Variants in FRMD4A observed in about 807,000 individuals in gnomAD.
The protein encoded by FRMD4A is FERM domain containing 4A.
Under a neutral mutation model 129.1 loss-of-function variants are expected in FRMD4A, and 29 were observed. That is an observed-to-expected ratio of 0.22 (90% CI 0.17 to 0.31). The LOEUF (loss-of-function observed/expected upper bound fraction) is 0.31. Ranked by LOEUF, FRMD4A falls within the 10% of genes least tolerant of loss-of-function variation. FRMD4A has a pLI of 1.00. For missense variants in FRMD4A, 1,272 were observed against 1,375.8 expected, an observed-to-expected ratio of 0.92 and a Z score of 1.19; for synonymous variants, 634 against 571.6, an observed-to-expected ratio of 1.11 and a Z score of -1.56.
At chr10:13,873,232 C>A (rs2094457132) in intron 2 of FRMD4A, among the ~76,000 whole-genome samples, 1 of 134,060 alleles carries the variant, frequency 7.5e-6, no homozygotes, top group Non-Finnish European at 1.6e-5. Context: ...AGACCCCAGA[C>A]AGACAGTTTT....
chr10:14,167,830 C>T (rs1397824082), intron 2 of FRMD4A, among the ~76,000 whole-genome samples: 1 of 151,998 alleles, frequency 6.6e-6, no homozygotes, highest in Non-Finnish European at 1.5e-5. Context: ...GAGAGGAGAG[C>T]GCGCTGTAAG....
chr10:14,220,081 G>A (rs1181731747), intron 2 of FRMD4A, among the ~76,000 whole-genome samples: 1 of 152,134 alleles, frequency 6.6e-6, no homozygotes, highest in Non-Finnish European at 1.5e-5. Flanking sequence ...TGACAATCCC[G>A]GGTCTGGGTT....
chr10:13,809,704 C>T (rs977967217), intron 4 of FRMD4A, among the ~76,000 whole-genome samples: 2 of 152,192 alleles, frequency 1.3e-5, no homozygotes, highest in African/African-American at 4.8e-5. Flanking sequence ...GAAGATGTGG[C>T]TTTGCTCCTG....
In FRMD4A at chr10:13,713,810, C is replaced by CAT. The variant is rs1204384127; in HGVS notation, c.760-6699_760-6698dup. On this transcript the variant is annotated intron_variant, in intron 12 of 24. Coordinates refer to ENST00000357447, the MANE Select transcript of FRMD4A (RefSeq NM_018027.5). ...TATACATATATGTAATATATATACA[C>CAT]ATATATATAATATATATACATATAT... Among the ~76,000 whole-genome samples, 12 of 116,280 alleles carry CAT rather than the reference C, an allele frequency of 1.0e-4. 1 individual carries two copies. The highest frequency in any genetic ancestry group is 3.7e-4 in the African/African-American group (11 of 29,516). The allele number at this position is 116,280 out of a possible 152,430, so 76.3% of individuals were successfully genotyped here.
chr10:14,306,364 G>A (rs1218483), intron 2 of FRMD4A, among the ~76,000 whole-genome samples: 9,414 of 152,212 alleles, frequency 0.062, 719 homozygotes, highest in African/African-American at 0.18. Context: ...AACTATCATC[G>A]TGGGAAAGTA....
rs557831776 is a variant in FRMD4A at position 14,060,806 on chromosome 10, C to T, written c.46-201894G>A. The stretch of plus-strand genomic sequence containing the variant: ...TGGCCACTTATATAGAGAGGAAATA[C>T]AGATGAATCTTTTCTGATCTTTGGG... On this transcript the variant is annotated intron_variant, in intron 2 of 24. Coordinates refer to ENST00000357447, the MANE Select transcript of FRMD4A (RefSeq NM_018027.5). Among the ~76,000 whole-genome samples, 179 of 152,226 alleles carry T rather than the reference C, an allele frequency of 1.2e-3. 1 individual carries two copies. The highest frequency in any genetic ancestry group is 1.8e-3 in the Admixed American group (27 of 15,294).
chr10:13,967,653 G>T (rs1248130393), intron 2 of FRMD4A, among the ~76,000 whole-genome samples: 1 of 152,256 alleles, frequency 6.6e-6, no homozygotes, highest in Non-Finnish European at 1.5e-5. Flanking sequence ...TGGTCGTCTT[G>T]TCAAGTCATT....
chr10:14,008,490 G>GA (rs1338002265), intron 2 of FRMD4A: 22 of 993,158 alleles, frequency 2.2e-5, no homozygotes, highest in African/African-American at 7.0e-5. Flanking sequence ...CGCGTCTGGG[G>GA]AGAGTGATCC....
At chr10:14,216,098 T>C (rs1410628594) in intron 2 of FRMD4A, among the ~76,000 whole-genome samples, 3 of 152,180 alleles carry the variant, frequency 2.0e-5, no homozygotes, top group Non-Finnish European at 4.4e-5. Flanking sequence ...GGGAACTCTA[T>C]GTCTGGGTGT....
In FRMD4A at chr10:14,237,600, G is replaced by A. The variant is rs568807318; in HGVS notation, c.45+92458C>T. 5.3e-5 allele frequency among the ~76,000 whole-genome samples: 8 copies of A among 152,240 alleles called. No homozygotes were observed. In the South Asian group the frequency reaches 8.3e-4, roughly 16 times the overall value. ...CCCACCTTGGACTCCAAAAGTGCTCGGATTACAGACGTGAGCCACTGCACC... is the reference window on the plus strand; with the variant it reads ...CCCACCTTGGACTCCAAAAGTGCTCAGATTACAGACGTGAGCCACTGCACC... On this transcript the variant is annotated intron_variant, in intron 2 of 24. Coordinates refer to ENST00000357447, the MANE Select transcript of FRMD4A (RefSeq NM_018027.5).
intron 2 of FRMD4A, among the ~76,000 whole-genome samples, chr10:14,299,774 T>A (rs1589281707): frequency 6.6e-6 from 1 of 152,036 alleles, no homozygotes; most frequent in East Asian, 1.9e-4. Context: ...GAGAGCCACA[T>A]GAATAATTAA....
At position 14,036,042 on chromosome 10, in the gene FRMD4A, CAAAA is replaced by C. The variant is rs10596694; in HGVS notation, c.46-177134_46-177131del. ...GGGCAACAAGAGTGAAACTCCACCT[CAAAA>C]AAAAAAAAAAAAAAGTCTATAAAAG... On this transcript the variant is annotated intron_variant, in intron 2 of 24. Transcript: ENST00000357447. 7.8e-3 allele frequency among the ~76,000 whole-genome samples: 1,051 copies of C among 133,980 alleles called. 2 individuals carry two copies. Among genetic ancestry groups the C allele is most frequent in the African/African-American group, 0.019 (675 of 35,072 alleles). 87.9% of individuals were successfully genotyped at this position (133,980 alleles called of 152,430 possible).
intron 2 of FRMD4A, 142 bp downstream of exon 2, chr10:14,329,916 A>G: frequency 1.3e-6 from 1 of 755,924 alleles, no homozygotes; most frequent in Non-Finnish European, 2.2e-6. Flanking sequence ...CTGACCCAAG[A>G]AAGCATTTCC....
At chr10:13,659,995 G>A (rs181939874) in intron 20 of FRMD4A, among the ~76,000 whole-genome samples, 11 of 152,326 alleles carry the variant, frequency 7.2e-5, no homozygotes, top group Admixed American at 5.2e-4. Flanking sequence ...CATTTGCTCC[G>A]AGTGGACTTT....
At chr10:13,693,727 G>A (rs1053064075) in intron 15 of FRMD4A, 171 bp downstream of exon 15, 1 of 765,756 alleles carries the variant, frequency 1.3e-6, no homozygotes, top group African/African-American at 1.7e-5. Context: ...ATTCCTGGGA[G>A]CAGTTTTCTC....
intron 2 of FRMD4A, among the ~76,000 whole-genome samples, chr10:13,968,498 G>A (rs1444624267): frequency 6.6e-6 from 1 of 152,146 alleles, no homozygotes; most frequent in Non-Finnish European, 1.5e-5. Flanking sequence ...TCTCACCCAG[G>A]CTGGAGCGCA....
At chr10:14,182,208 C>T (rs1274085724) in intron 2 of FRMD4A, among the ~76,000 whole-genome samples, 1 of 152,134 alleles carries the variant, frequency 6.6e-6, no homozygotes, top group Non-Finnish European at 1.5e-5. Flanking sequence ...ACAGTTTCTG[C>T]TTCTAAGACT....
intron 2 of FRMD4A, among the ~76,000 whole-genome samples, chr10:13,963,559 A>AT (rs1185936522): frequency 6.6e-6 from 1 of 152,166 alleles, no homozygotes; most frequent in Non-Finnish European, 1.5e-5. Flanking sequence ...ACCCAATCTC[A>AT]TTTTAGAGGA....
intron 2 of FRMD4A, among the ~76,000 whole-genome samples, chr10:14,104,714 G>A (rs1221330174): frequency 6.6e-6 from 1 of 152,238 alleles, no homozygotes; most frequent in Non-Finnish European, 1.5e-5. Flanking sequence ...TTAGAGCAAG[G>A]GAAATTGCCA....
Sources: allele counts gnomAD v4.1 joint callset (sites outside exome capture counted in the v4.1 genomes callset), GRCh38; gene constraint gnomAD v4.1.1; transcripts MANE v1.5; gene names NCBI Gene and HGNC (gene_info 2026-07-23, HGNC 2026-07-21).